Variants in CDH18 observed in about 807,000 individuals in gnomAD.
The protein encoded by CDH18 is cadherin 18.
CDH18 carries 31 observed loss-of-function variants against 67.9 expected under a neutral mutation model. That is an observed-to-expected ratio of 0.46 (90% CI 0.34 to 0.62). The LOEUF (loss-of-function observed/expected upper bound fraction) is 0.62, where lower values mean the gene tolerates loss of function less well. Ranked by LOEUF, CDH18 falls within the 20% of genes least tolerant of loss-of-function variation. The pLI is 0.01. For synonymous variants in CDH18, 362 were observed against 347.2 expected, an observed-to-expected ratio of 1.04 and a Z score of -0.48; for missense variants, 890 against 975.5, an observed-to-expected ratio of 0.91 and a Z score of 1.17.
intron 1 of CDH18, among the ~76,000 whole-genome samples, chr5:20,262,312 G>C (rs865989533): frequency 1.3e-5 from 2 of 152,224 alleles, no homozygotes; most frequent in Middle Eastern, 3.4e-3. Context: ...TGGCTTAAAG[G>C]GCTCACGGAG....
At chr5:20,401,524 T>C (rs1310915823) in intron 1 of CDH18, among the ~76,000 whole-genome samples, 1 of 152,198 alleles carries the variant, frequency 6.6e-6, no homozygotes, top group Non-Finnish European at 1.5e-5. Context: ...TGAATCTTTA[T>C]ATACCAAGTG....
chr5:19,793,090 CCTTCTA>C (rs1255012260), intron 3 of CDH18, among the ~76,000 whole-genome samples: 1 of 152,082 alleles, frequency 6.6e-6, no homozygotes, highest in African/African-American at 2.4e-5. Flanking sequence ...TCCTCCTCCT[CCTTCTA>C]CTATGACAGA....
chr5:20,544,717 G>T (rs1283932276), intron 1 of CDH18, among the ~76,000 whole-genome samples: 4 of 152,102 alleles, frequency 2.6e-5, no homozygotes, highest in Admixed American at 2.0e-4. Flanking sequence ...AACGTGTGAG[G>T]ATTACAACCC....
At chr5:20,537,759 G>A (rs201152344) in intron 1 of CDH18, among the ~76,000 whole-genome samples, 16 of 151,922 alleles carry the variant, frequency 1.1e-4, no homozygotes, top group African/African-American at 3.1e-4. Context: ...AAAACTAGAG[G>A]AAAAAAGTTA....
chr5:20,107,658 T>C lies in CDH18; in HGVS notation c.-517-115644A>G, dbSNP rs369439183. On this transcript the variant is annotated intron_variant, in intron 2 of 14. Transcript: ENST00000507958. ...AGCAGTTGGCAAGGTTGCTTTCTCC[T>C]GAGGCCTTTCTCCTTAGCTTGCCGA... Among the ~76,000 whole-genome samples, 106 of 152,322 alleles carry C rather than the reference T, an allele frequency of 7.0e-4. 1 individual carries two copies. In the South Asian group the frequency reaches 0.018, roughly 26 times the overall value.
intron 2 of CDH18, among the ~76,000 whole-genome samples, chr5:20,207,832 T>C (rs1740032241): frequency 6.6e-6 from 1 of 151,920 alleles, no homozygotes; most frequent in African/African-American, 2.4e-5. Flanking sequence ...AATGTATATA[T>C]AACTACAAAG....
At chr5:20,494,632 A>G (rs1005614832) in intron 1 of CDH18, among the ~76,000 whole-genome samples, 3 of 152,174 alleles carry the variant, frequency 2.0e-5, no homozygotes, top group Non-Finnish European at 2.9e-5. Context: ...AACATTTTGA[A>G]GAAATGTTAA....
intron 3 of CDH18, among the ~76,000 whole-genome samples, chr5:19,798,226 G>A (rs920976557): frequency 3.3e-5 from 5 of 151,938 alleles, no homozygotes; most frequent in African/African-American, 1.2e-4. Flanking sequence ...ATCTGAATAA[G>A]GTTGTTGGAT....
intron 1 of CDH18, among the ~76,000 whole-genome samples, chr5:20,549,148 A>G (rs1035050517): frequency 3.3e-5 from 5 of 152,196 alleles, no homozygotes; most frequent in Admixed American, 6.5e-5. Flanking sequence ...TGATTCTCAA[A>G]TATAGATTCA....
intron 2 of CDH18, among the ~76,000 whole-genome samples, chr5:20,247,506 C>T (rs903620909): frequency 7.2e-5 from 11 of 152,086 alleles, no homozygotes; most frequent in Non-Finnish European, 1.2e-4. Context: ...GTGGCTCACG[C>T]CTGGAATCCC....
chr5:20,146,398 G>T (rs1228236033), intron 2 of CDH18, among the ~76,000 whole-genome samples: 2 of 151,892 alleles, frequency 1.3e-5, no homozygotes, highest in Admixed American at 1.3e-4. Flanking sequence ...AGAAAGGAAC[G>T]CTAAGGTCTT....
At chr5:20,386,027 A>G (rs10941713) in intron 1 of CDH18, among the ~76,000 whole-genome samples, 8,557 of 152,228 alleles carry the variant, frequency 0.056, 781 homozygotes, top group African/African-American at 0.19. Flanking sequence ...GTAATTATGA[A>G]TCTATCATGT....
intron 2 of CDH18, among the ~76,000 whole-genome samples, chr5:20,093,327 C>T (rs1299058887): frequency 6.7e-6 from 1 of 150,170 alleles, no homozygotes; most frequent in Non-Finnish European, 1.5e-5. Context: ...CAAATTGAGA[C>T]TGAGTTAAAC....
chr5:19,884,250 G>A (rs1787961953), intron 2 of CDH18, among the ~76,000 whole-genome samples: 2 of 152,050 alleles, frequency 1.3e-5, no homozygotes. Flanking sequence ...ATAAAAGACT[G>A]TTAACAAAAT....
rs148673287 is a variant in CDH18 at position 20,264,518 on chromosome 5, A to G, written c.-579-9013T>C. Among the ~76,000 whole-genome samples the G allele has an allele frequency of 5.7e-4, 86 of 152,160 alleles. No individual in the cohort carries two copies. In the South Asian group the frequency reaches 0.016, roughly 28 times the overall value. On this transcript the variant is annotated intron_variant, in intron 1 of 14. Transcript: ENST00000507958. Reference sequence around the variant, plus strand: ...CAAATTTTTCACCATCCTGTATCATACTAATTCTGAAGCACCATTTTAATC... The same window carrying G: ...CAAATTTTTCACCATCCTGTATCATGCTAATTCTGAAGCACCATTTTAATC...
chr5:19,621,007 A>G (rs1004730047), intron 5 of CDH18, among the ~76,000 whole-genome samples: 23 of 152,170 alleles, frequency 1.5e-4, no homozygotes, highest in Non-Finnish European at 1.6e-4. Context: ...AAGATGAACT[A>G]TCATGGGTAA....
At position 19,483,294 on chromosome 5, in the gene CDH18, G is replaced by C. The variant is rs1226262575; in HGVS notation, c.1882+7C>G. The C allele has an allele frequency of 3.1e-6, 5 of 1,608,292 alleles. No homozygotes were observed. Among genetic ancestry groups the C allele is most frequent in the Non-Finnish European group, 4.2e-6 (5 of 1,177,026 alleles). On this transcript the variant is annotated splice_region_variant and intron_variant, in intron 12 of 12. Transcript: ENST00000382275. ...ATCATGCAAACTTAGGGTTTAGAAT[G>C]ACTTACCCAGGAGAATGAGAACACA...
At chr5:19,552,689 G>A (rs1737673099) in intron 8 of CDH18, among the ~76,000 whole-genome samples, 1 of 152,156 alleles carries the variant, frequency 6.6e-6, no homozygotes, top group East Asian at 1.9e-4. Context: ...ATTAGAGAAA[G>A]TACAATTAAG....
intron 5 of CDH18, among the ~76,000 whole-genome samples, chr5:19,696,222 T>C (rs925661840): frequency 1.6e-4 from 14 of 89,110 alleles, no homozygotes; most frequent in Non-Finnish European, 2.8e-4. Flanking sequence ...CTGCACCAAA[T>C]ATATGTGTGT....
Sources: allele counts gnomAD v4.1 joint callset (sites outside exome capture counted in the v4.1 genomes callset), GRCh38; gene constraint gnomAD v4.1.1; transcripts MANE v1.5; gene names NCBI Gene and HGNC (gene_info 2026-07-23, HGNC 2026-07-21).